The following PALLD variants were observed in gnomAD, a reference collection of about 807,000 sequenced individuals.
The protein encoded by PALLD is palladin, cytoskeletal associated protein, also known as palladin.
Under a neutral mutation model 123.5 loss-of-function variants are expected in PALLD, and 61 were observed. The observed-to-expected ratio is 0.49, with a 90% CI of 0.40 to 0.61. The LOEUF is 0.61. Among genes scored for constraint, PALLD ranks in the 20% least tolerant of loss-of-function variants. The probability of loss-of-function intolerance (pLI) is 0.00; values close to 1 mark genes in which losing one functional copy is unlikely to be tolerated. For missense variants in PALLD, 1,273 were observed against 1,377.0 expected (o/e 0.92, Z 1.20); for synonymous variants, 465 against 496.4 (o/e 0.94, Z 0.84).
intron 2 of PALLD, among the ~76,000 whole-genome samples, chr4:168,547,721 G>A (rs1051318040): frequency 2.0e-5 from 3 of 151,948 alleles, no homozygotes; most frequent in Non-Finnish European, 4.4e-5. Flanking sequence ...AGGCCGAGGC[G>A]GGCAGATCAC....
At chr4:168,814,409 G>A (rs1382265167) in intron 10 of PALLD, among the ~76,000 whole-genome samples, 1 of 152,132 alleles carries the variant, frequency 6.6e-6, no homozygotes, top group African/African-American at 2.4e-5. Context: ...GGGTGGAAAT[G>A]CATTAACTAA....
chr4:168,649,678 T>C (rs1210945118), intron 2 of PALLD, among the ~76,000 whole-genome samples: 1 of 152,184 alleles, frequency 6.6e-6, no homozygotes, highest in African/African-American at 2.4e-5. Flanking sequence ...AACAACCTTA[T>C]GAGGAAGGTA....
At chr4:168,762,094 C>CA (rs11369949) in intron 10 of PALLD, among the ~76,000 whole-genome samples, 117,828 of 152,048 alleles carry the variant, frequency 0.77, 46,234 homozygotes, top group African/African-American at 0.9. Flanking sequence ...CTCATACATA[C>CA]AATTCTGATT....
chr4:168,781,554 G>A (rs142152531), intron 10 of PALLD, among the ~76,000 whole-genome samples: 12 of 152,308 alleles, frequency 7.9e-5, no homozygotes, highest in East Asian at 1.9e-4. Flanking sequence ...AGGAAGCCTC[G>A]GAGCAAATGC....
chr4:168,752,737 A>ATT (rs34733052), intron 10 of PALLD, among the ~76,000 whole-genome samples: 21 of 151,368 alleles, frequency 1.4e-4, no homozygotes, highest in African/African-American at 3.4e-4. Flanking sequence ...TATGGTAGTA[A>ATT]TTTTTTTTTG....
intron 10 of PALLD, among the ~76,000 whole-genome samples, chr4:168,753,541 A>G (rs1731354239): frequency 6.6e-6 from 1 of 151,948 alleles, no homozygotes; most frequent in Non-Finnish European, 1.5e-5. Context: ...CTCCTCCCAT[A>G]TGGACTCAGA....
intron 2 of PALLD, among the ~76,000 whole-genome samples, chr4:168,610,163 C>T (rs1264340965): frequency 1.3e-5 from 2 of 152,150 alleles, no homozygotes; most frequent in East Asian, 3.8e-4. Context: ...TCTTCCTGGC[C>T]CATCAACTAT....
chr4:168,579,564 A>G (rs1458408211), intron 2 of PALLD, among the ~76,000 whole-genome samples: 1 of 152,124 alleles, frequency 6.6e-6, no homozygotes, highest in Admixed American at 6.6e-5. Flanking sequence ...GAAAAGGTCT[A>G]GGTCAATGTT....
rs550499593 is a variant in PALLD at position 168,878,012 on chromosome 4, C to G, written c.1965-12910C>G. 646 of 1,497,448 alleles carry G rather than the reference C, an allele frequency of 4.3e-4. 7 individuals are homozygous for G. In the East Asian group the frequency reaches 0.016, roughly 36 times the overall value. The allele number at this position is 1,497,448 out of a possible 1,614,324, so 92.8% of individuals were successfully genotyped here. A position where few individuals can be genotyped will look rare whatever the true frequency, so the allele number is the denominator to read the frequency against. ...CGGGCCCGCGTCGGGCCACGGCACG[C>G]CGGCCTCCAGCCCCAGCTCGTCCAG... On this transcript the variant is annotated intron_variant, in intron 10 of 21. Coordinates refer to ENST00000505667, the MANE Select transcript of PALLD (RefSeq NM_001166108.2).
intron 8 of PALLD, among the ~76,000 whole-genome samples, chr4:168,697,733 A>G (rs1011388443): frequency 9.9e-5 from 15 of 152,136 alleles, no homozygotes; most frequent in African/African-American, 3.6e-4. Context: ...AATTTTTTGA[A>G]TTTTTGCAAT....
At chr4:168,557,463 C>G (rs1767438683) in intron 2 of PALLD, among the ~76,000 whole-genome samples, 1 of 152,202 alleles carries the variant, frequency 6.6e-6, no homozygotes, top group African/African-American at 2.4e-5. Flanking sequence ...TTCTATTTCT[C>G]TCTGTAAGCA....
intron 17 of PALLD, among the ~76,000 whole-genome samples, chr4:168,917,098 G>C (rs1760321383): frequency 6.7e-6 from 1 of 149,428 alleles, no homozygotes. Flanking sequence ...GCCCAGGCTG[G>C]AGTGCAGTGG....
At chr4:168,829,895 C>T (rs1743951201) in intron 10 of PALLD, among the ~76,000 whole-genome samples, 1 of 152,130 alleles carries the variant, frequency 6.6e-6, no homozygotes, top group Non-Finnish European at 1.5e-5. Context: ...TTTGTATTAT[C>T]CCCAGAAAGA....
intron 10 of PALLD, among the ~76,000 whole-genome samples, chr4:168,855,647 A>G (rs879326397): frequency 1.6e-4 from 25 of 152,162 alleles, no homozygotes; most frequent in Admixed American, 1.4e-3. Context: ...AGGACAGTCA[A>G]TCTGCCAGTT....
At chr4:168,842,227 AG>A (rs1484968751) in intron 10 of PALLD, among the ~76,000 whole-genome samples, 60 of 152,386 alleles carry the variant, frequency 3.9e-4, no homozygotes, top group Admixed American at 6.5e-4. Context: ...AGTTAAAAAA[AG>A]AAAAACAATT....
intron 8 of PALLD, 80 bp from the exon 9 acceptor site, chr4:168,708,948 G>A: frequency 8.2e-7 from 1 of 1,220,530 alleles, no homozygotes; most frequent in Non-Finnish European, 1.2e-6. Flanking sequence ...TGTTTGTTGT[G>A]GAAAGGTGGA....
chr4:168,854,857 G>A (rs1748348560), intron 10 of PALLD, among the ~76,000 whole-genome samples: 1 of 152,198 alleles, frequency 6.6e-6, no homozygotes. Flanking sequence ...CTGTTCTCCA[G>A]GTCAGGAGGG....
rs542060357 is a variant in PALLD, at chr4:168,721,837, C to A, written c.1964+9914C>A. Among the ~76,000 whole-genome samples the A allele has an allele frequency of 1.3e-3, 201 of 152,250 alleles. 1 individual carries two copies. Among genetic ancestry groups the A allele is most frequent in the Middle Eastern group, 3.4e-3 (1 of 294 alleles). ...CCGTGTGGGATCTCCTTCTAGAAACCAATGACCTTCAGGATTCCATCTGGA... is the reference window on the plus strand; with the variant it reads ...CCGTGTGGGATCTCCTTCTAGAAACAAATGACCTTCAGGATTCCATCTGGA... On this transcript the variant is annotated intron_variant, in intron 10 of 21. Coordinates refer to ENST00000505667, the MANE Select transcript of PALLD (RefSeq NM_001166108.2).
chr4:168,804,542 C>T (rs1357645494), intron 10 of PALLD, among the ~76,000 whole-genome samples: 2 of 152,188 alleles, frequency 1.3e-5, no homozygotes, highest in African/African-American at 2.4e-5. Context: ...ATGACAAATT[C>T]GGATGCAAAA....
Sources: gnomAD v4.1 joint callset for allele counts (sites outside exome capture counted in the v4.1 genomes callset) on GRCh38, gnomAD v4.1.1 for gene constraint, MANE v1.5 for transcripts, NCBI Gene and HGNC (gene_info 2026-07-23, HGNC 2026-07-21) for gene names.